Variants in FOXN3 observed in about 807,000 individuals in gnomAD.
The protein encoded by FOXN3 is forkhead box N3, also known as forkhead box protein N3.
Under a neutral mutation model 38.4 loss-of-function variants are expected in FOXN3, and 7 were observed. The observed-to-expected ratio is 0.18, with a 90% CI of 0.10 to 0.34. The LOEUF is 0.34. Ranked by LOEUF, FOXN3 falls within the 10% of genes least tolerant of loss-of-function variation. The pLI, the probability that FOXN3 is intolerant of heterozygous loss-of-function variation, is 1.00. For synonymous variants in FOXN3, 230 were observed against 242.2 expected (o/e 0.95, Z 0.47); for missense variants, 456 against 613.4 (o/e 0.74, Z 2.71).
chr14:89,358,509 A>C (rs1482897878), intron 2 of FOXN3, among the ~76,000 whole-genome samples: 2 of 152,162 alleles, frequency 1.3e-5, no homozygotes, highest in African/African-American at 4.8e-5. Context: ...GTTGGGCTGC[A>C]CCTACCATCA....
chr14:89,464,036 G>A (rs560635482), intron 1 of FOXN3, among the ~76,000 whole-genome samples: 175 of 150,802 alleles, frequency 1.2e-3, no homozygotes, highest in African/African-American at 4.1e-3. Flanking sequence ...CACATGCCTC[G>A]ACCCCCCAAA....
In FOXN3 at chr14:89,156,772, A is replaced by G. The variant is rs1886990568; in HGVS notation, c.*5642T>C. ...TCCACATTTTCACCATGGCAGTATT[A>G]AGTAGTGAGTGTGAATGACACAGCA... On this transcript the variant is annotated 3_prime_UTR_variant, in exon 6 of 6. Transcript: ENST00000557258. 6.6e-6 allele frequency: 1 copy of G among 152,124 alleles called. No homozygotes were observed. 9.4% of individuals were successfully genotyped at this position (152,124 alleles called of 1,614,324 possible). A position where few individuals can be genotyped will look rare whatever the true frequency, so the allele number is the denominator to read the frequency against.
At chr14:89,417,802 C>T (rs746069178), upstream of FOXN3, 5 of 453,190 alleles carry the variant, frequency 1.1e-5, no homozygotes, top group South Asian at 7.8e-5. Context: ...CGGAGGTAAG[C>T]ACCGCAGCGT....
intron 1 of FOXN3, chr14:89,494,231 A>G (rs935455845): frequency 2.6e-5 from 4 of 152,238 alleles, no homozygotes; most frequent in African/African-American, 9.6e-5. Flanking sequence ...ACATGTACGT[A>G]GCTGTTGCCA....
intron 3 of FOXN3, among the ~76,000 whole-genome samples, chr14:89,323,369 G>C (rs1887950489): frequency 1.3e-5 from 2 of 151,816 alleles, no homozygotes; most frequent in African/African-American, 4.8e-5. Flanking sequence ...GGTTAGGGTA[G>C]GTGTCTTTGA....
intron 4 of FOXN3, among the ~76,000 whole-genome samples, chr14:89,264,820 C>T (rs768381802): frequency 7.2e-5 from 11 of 152,164 alleles, no homozygotes; most frequent in Non-Finnish European, 1.2e-4. Context: ...AGTAGGATTC[C>T]ATGCAGCTAT....
chr14:89,191,108 C>T (rs750420432), intron 4 of FOXN3, among the ~76,000 whole-genome samples: 1 of 152,158 alleles, frequency 6.6e-6, no homozygotes, highest in African/African-American at 2.4e-5. Flanking sequence ...CACTCCATTG[C>T]TATAATTCTT....
intron 4 of FOXN3, among the ~76,000 whole-genome samples, chr14:89,252,616 T>G (rs1369636810): frequency 6.8e-6 from 1 of 147,518 alleles, no homozygotes; most frequent in African/African-American, 2.5e-5. Context: ...ATCGTGCCAT[T>G]GCACTCCAGC....
At chr14:89,193,940 C>A (rs899492215) in intron 4 of FOXN3, among the ~76,000 whole-genome samples, 1 of 152,088 alleles carries the variant, frequency 6.6e-6, no homozygotes, top group African/African-American at 2.4e-5. Flanking sequence ...TCCCTAATGA[C>A]AAATAACCTT....
chr14:89,203,957 T>C (rs1482143550), intron 4 of FOXN3, among the ~76,000 whole-genome samples: 1 of 151,876 alleles, frequency 6.6e-6, no homozygotes, highest in Non-Finnish European at 1.5e-5. Context: ...GCCACAAGCA[T>C]AATGTACTAC....
chr14:89,243,092 G>A (rs2401815), intron 4 of FOXN3, among the ~76,000 whole-genome samples: 121,485 of 152,134 alleles, frequency 0.8, 48,561 homozygotes, highest in Non-Finnish European at 0.82. Flanking sequence ...CAGTGTGGCC[G>A]ACGCAGGGAG....
intron 3 of FOXN3, among the ~76,000 whole-genome samples, chr14:89,296,712 T>A (rs1264439258): frequency 6.6e-6 from 1 of 152,238 alleles, no homozygotes. Context: ...TTCAGCTCCC[T>A]GCAACCTCCA....
intron 1 of FOXN3, among the ~76,000 whole-genome samples, chr14:89,540,897 T>C (rs1478941527): frequency 6.6e-6 from 1 of 152,204 alleles, no homozygotes; most frequent in Non-Finnish European, 1.5e-5. Context: ...ACTTTTGTTG[T>C]GCAGAGATTT....
At chr14:89,458,952 C>T (rs569479211) in intron 1 of FOXN3, among the ~76,000 whole-genome samples, 1 of 152,296 alleles carries the variant, frequency 6.6e-6, no homozygotes, top group Admixed American at 6.5e-5. Context: ...AATTCATCTG[C>T]AAGCTCTCCA....
Position 89,505,284 on chromosome 14 carries a change from C to A in FOXN3, c.-14-92794G>T, listed in dbSNP as rs568701263. On this transcript the variant is annotated intron_variant, in intron 1 of 6. Coordinates refer to the FOXN3 transcript ENST00000345097. ...CCTCTCCCTCTCCTTCTCCCTCCCC[C>A]TCCCCCTCCCCCTCTCCCCACGGTC... Among the ~76,000 whole-genome samples the A allele has an allele frequency of 2.0e-5, 3 of 151,130 alleles. No individual in the cohort carries two copies. In the South Asian group the frequency reaches 6.3e-4, roughly 32 times the overall value.
At chr14:89,528,637 C>A (rs1018316931) in intron 1 of FOXN3, among the ~76,000 whole-genome samples, 1 of 151,712 alleles carries the variant, frequency 6.6e-6, no homozygotes, top group Admixed American at 6.6e-5. Flanking sequence ...CTCAGATGAT[C>A]TGCCCACCTT....
At chr14:89,617,887 CTCAA>C (rs1896522010) in intron 1 of FOXN3, among the ~76,000 whole-genome samples, 1 of 152,196 alleles carries the variant, frequency 6.6e-6, no homozygotes, top group Admixed American at 6.5e-5. Flanking sequence ...TTTCATAAGT[CTCAA>C]TCTAACTGAC....
At chr14:89,295,762 A>ATTTTTTTT (rs1032063820) in intron 3 of FOXN3, among the ~76,000 whole-genome samples, 4 of 123,224 alleles carry the variant, frequency 3.2e-5, no homozygotes, top group African/African-American at 9.2e-5. Flanking sequence ...TAATTTTTGC[A>ATTTTTTTT]TTTTTTTTTT....
At chr14:89,614,138 C>T (rs1454148967) in intron 1 of FOXN3, among the ~76,000 whole-genome samples, 1 of 152,200 alleles carries the variant, frequency 6.6e-6, no homozygotes, top group Non-Finnish European at 1.5e-5. Context: ...ACACTCAAAA[C>T]ACTACTGAGT....
Sources: gnomAD v4.1 joint callset for allele counts (sites outside exome capture counted in the v4.1 genomes callset) on GRCh38, gnomAD v4.1.1 for gene constraint, MANE v1.5 for transcripts, NCBI Gene and HGNC (gene_info 2026-07-23, HGNC 2026-07-21) for gene names.